Variants in KCNQ5 observed in about 807,000 individuals in gnomAD.
KCNQ5 encodes the protein potassium voltage-gated channel subfamily KQT member 5.
KCNQ5 carries 30 observed loss-of-function variants against 98.2 expected under a neutral mutation model. That is an observed-to-expected ratio of 0.31 (90% confidence interval 0.23 to 0.41). KCNQ5 has a LOEUF of 0.41. KCNQ5 is among the 10% of genes least tolerant of loss of function. The pLI, the probability that KCNQ5 is intolerant of heterozygous loss-of-function variation, is 1.00. For missense variants in KCNQ5, 835 were observed against 1,182.5 expected, an observed-to-expected ratio of 0.71 and a Z score of 4.31; for synonymous variants, 458 against 449.4, an observed-to-expected ratio of 1.02 and a Z score of -0.24.
intron 1 of KCNQ5, among the ~76,000 whole-genome samples, chr6:72,857,003 A>T (rs1298969340): frequency 6.6e-6 from 1 of 152,178 alleles, no homozygotes; most frequent in East Asian, 1.9e-4. Context: ...AGGGGAAGAT[A>T]CTCTGTCACA....
At chr6:73,155,743 TTTTC>T (rs1457597964) in intron 10 of KCNQ5, among the ~76,000 whole-genome samples, 1 of 152,314 alleles carries the variant, frequency 6.6e-6, no homozygotes, top group African/African-American at 2.4e-5. Context: ...GGTGAATTTT[TTTTC>T]TTTCTTTGTG....
intron 3 of KCNQ5, among the ~76,000 whole-genome samples, chr6:73,057,422 A>G (rs1380146208): frequency 6.6e-6 from 1 of 152,194 alleles, no homozygotes; most frequent in East Asian, 1.9e-4. Context: ...TGGCACATGT[A>G]TACATGTGTA....
At chr6:72,635,019 T>C (rs1470891062) in intron 1 of KCNQ5, among the ~76,000 whole-genome samples, 1 of 151,892 alleles carries the variant, frequency 6.6e-6, no homozygotes, top group South Asian at 2.1e-4. Flanking sequence ...TGAATAATAA[T>C]TTGTTCCCCT....
intron 1 of KCNQ5, among the ~76,000 whole-genome samples, chr6:72,948,090 A>G (rs1023283200): frequency 2.0e-5 from 3 of 152,162 alleles, no homozygotes; most frequent in Admixed American, 1.3e-4. Context: ...AAAGCAATTT[A>G]TCAACTTTTC....
chr6:72,677,370 T>C (rs955988285), intron 1 of KCNQ5, among the ~76,000 whole-genome samples: 1 of 152,330 alleles, frequency 6.6e-6, no homozygotes. Flanking sequence ...GGAGTACTTA[T>C]ATTAGAATGA....
chr6:72,885,359 G>A (rs1010687803), intron 1 of KCNQ5, among the ~76,000 whole-genome samples: 1 of 152,030 alleles, frequency 6.6e-6, no homozygotes, highest in African/African-American at 2.4e-5. Context: ...TAAAAAATTC[G>A]ACATTTACAA....
chr6:73,170,316 T>C (rs75240020), intron 11 of KCNQ5, among the ~76,000 whole-genome samples: 3,120 of 152,168 alleles, frequency 0.021, 36 homozygotes, highest in Middle Eastern at 0.037. Context: ...TTATCTGAAA[T>C]GTAATTGTTA....
chr6:72,916,952 G>A (rs984618371), intron 1 of KCNQ5, among the ~76,000 whole-genome samples: 1 of 152,192 alleles, frequency 6.6e-6, no homozygotes, highest in African/African-American at 2.4e-5. Context: ...CACCTAGAGA[G>A]ATGTCTAATA....
chr6:73,065,354 A>G (rs1033976814), intron 3 of KCNQ5, among the ~76,000 whole-genome samples: 3 of 152,088 alleles, frequency 2.0e-5, no homozygotes, highest in African/African-American at 7.2e-5. Flanking sequence ...CCACCTTCAC[A>G]ATGTGCACCA....
chr6:72,644,059 T>C (rs1765465342), intron 1 of KCNQ5, among the ~76,000 whole-genome samples: 1 of 152,044 alleles, frequency 6.6e-6, no homozygotes, highest in Non-Finnish European at 1.5e-5. Flanking sequence ...GTACAGCACA[T>C]AACAGGTATA....
chr6:72,844,730 T>C (rs1451203355), intron 1 of KCNQ5, among the ~76,000 whole-genome samples: 2 of 152,154 alleles, frequency 1.3e-5, no homozygotes, highest in Non-Finnish European at 2.9e-5. Flanking sequence ...TGTAAAGTAA[T>C]CAGTCCTATA....
At chr6:73,058,696 G>T (rs1391379171) in intron 3 of KCNQ5, among the ~76,000 whole-genome samples, 1 of 151,986 alleles carries the variant, frequency 6.6e-6, no homozygotes, top group African/African-American at 2.4e-5. Context: ...AATCTGTAAG[G>T]AATTTAAACA....
intron 1 of KCNQ5, among the ~76,000 whole-genome samples, chr6:72,662,272 A>G (rs1226838990): frequency 6.6e-6 from 1 of 152,192 alleles, no homozygotes; most frequent in Non-Finnish European, 1.5e-5. Context: ...TTAATGATCA[A>G]AAGTACTAGC....
intron 10 of KCNQ5, among the ~76,000 whole-genome samples, 174 bp from the exon 11 acceptor site, chr6:73,169,572 G>T (rs75485693): frequency 0.054 from 8,258 of 152,260 alleles, 264 homozygotes; most frequent in Middle Eastern, 0.092. Context: ...AACTGGGGAG[G>T]CTGTAGAAAA....
At chr6:73,084,188 T>C (rs533197463) in intron 5 of KCNQ5, among the ~76,000 whole-genome samples, 1 of 152,282 alleles carries the variant, frequency 6.6e-6, no homozygotes, top group African/African-American at 2.4e-5. Flanking sequence ...CATATAGAAC[T>C]GGCAGAGAAT....
At chr6:72,703,897 A>AT (rs889130145) in intron 1 of KCNQ5, among the ~76,000 whole-genome samples, 2 of 152,176 alleles carry the variant, frequency 1.3e-5, no homozygotes, top group Non-Finnish European at 2.9e-5. Flanking sequence ...TTAAAATGAG[A>AT]TTTTTAGAAA....
intron 6 of KCNQ5, among the ~76,000 whole-genome samples, chr6:73,107,147 G>T (rs931955093): frequency 1.3e-5 from 2 of 152,098 alleles, no homozygotes; most frequent in African/African-American, 4.8e-5. Context: ...TGCAGCTTTT[G>T]TGTTTATATT....
intron 1 of KCNQ5, among the ~76,000 whole-genome samples, chr6:72,944,436 A>G (rs1766446300): frequency 6.6e-6 from 1 of 152,208 alleles, no homozygotes; most frequent in Non-Finnish European, 1.5e-5. Flanking sequence ...AGCACCTACT[A>G]CATGCCCGAT....
chr6:72,879,937 C>A (rs1340635832), intron 1 of KCNQ5, among the ~76,000 whole-genome samples: 4 of 152,112 alleles, frequency 2.6e-5, no homozygotes, highest in African/African-American at 9.7e-5. Flanking sequence ...TTTCTTCTAT[C>A]CCTGTAGCCA....
Sources: allele counts gnomAD v4.1 joint callset (sites outside exome capture counted in the v4.1 genomes callset), GRCh38; gene constraint gnomAD v4.1.1; transcripts MANE v1.5; gene names NCBI Gene and HGNC (gene_info 2026-07-23, HGNC 2026-07-21).